The following SGCD variants were observed in gnomAD, a reference collection of about 807,000 sequenced individuals.
SGCD encodes sarcoglycan delta, also known as delta-sarcoglycan.
Under a neutral mutation model 36.6 loss-of-function variants are expected in SGCD, and 18 were observed. The observed-to-expected ratio is 0.49, with a 90% CI of 0.34 to 0.73. The LOEUF (loss-of-function observed/expected upper bound fraction) is 0.73. SGCD is among the 30% of genes least tolerant of loss of function. The pLI is 0.01. For synonymous variants in SGCD, 133 were observed against 130.6 expected (o/e 1.02, Z -0.12); for missense variants, 387 against 346.7 (o/e 1.12, Z -0.92).
chr5:156,613,311 TG>T (rs1288328310), intron 6 of SGCD, among the ~76,000 whole-genome samples: 1 of 152,236 alleles, frequency 6.6e-6, no homozygotes, highest in Non-Finnish European at 1.5e-5. Context: ...ACACAGCCCT[TG>T]TGTGTTCACA....
At chr5:155,934,873 G>T (rs1289527721) in intron 1 of SGCD, among the ~76,000 whole-genome samples, 1 of 152,206 alleles carries the variant, frequency 6.6e-6, no homozygotes, top group South Asian at 2.1e-4. Context: ...ACATGACGAA[G>T]TTGGGACATG....
intron 4 of SGCD, among the ~76,000 whole-genome samples, chr5:156,584,212 C>G (rs1394972923): frequency 6.6e-6 from 1 of 152,082 alleles, no homozygotes; most frequent in African/African-American, 2.4e-5. Flanking sequence ...TTGCAGAGGG[C>G]CAAATACACT....
intron 3 of SGCD, among the ~76,000 whole-genome samples, chr5:156,432,898 A>G (rs1233946181): frequency 6.6e-6 from 1 of 152,160 alleles, no homozygotes; most frequent in Non-Finnish European, 1.5e-5. Context: ...CCTTGCAGAG[A>G]TAACAAGCAG....
chr5:155,887,867 C>T (rs1339944133), intron 1 of SGCD, among the ~76,000 whole-genome samples: 2 of 152,184 alleles, frequency 1.3e-5, no homozygotes, highest in Admixed American at 6.5e-5. Flanking sequence ...TGAGCATTCA[C>T]TTTATGTTGA....
chr5:156,574,263 A>T (rs1487572194), intron 4 of SGCD, among the ~76,000 whole-genome samples: 1 of 152,190 alleles, frequency 6.6e-6, no homozygotes, highest in Non-Finnish European at 1.5e-5. Flanking sequence ...AACTGACCAT[A>T]TCCTAACATC....
intron 2 of SGCD, 38 bp downstream of exon 2, chr5:156,329,617 T>C: frequency 3.1e-6 from 5 of 1,595,794 alleles, no homozygotes; most frequent in Non-Finnish European, 4.3e-6. Flanking sequence ...TTCAAGGCCC[T>C]GCTCATGGTC....
intron 1 of SGCD, among the ~76,000 whole-genome samples, chr5:155,893,789 T>C (rs1478206603): frequency 6.6e-6 from 1 of 152,256 alleles, no homozygotes; most frequent in Non-Finnish European, 1.5e-5. Context: ...ATTTCGTTGT[T>C]GTGCTAACAT....
At chr5:156,103,207 T>C (rs1028461221) in intron 1 of SGCD, among the ~76,000 whole-genome samples, 2 of 152,062 alleles carry the variant, frequency 1.3e-5, no homozygotes, top group Non-Finnish European at 2.9e-5. Flanking sequence ...ATTAGAAGAG[T>C]TGGATGAAGA....
chr5:156,350,865 T>G (rs1265048194), intron 3 of SGCD, among the ~76,000 whole-genome samples: 1 of 152,206 alleles, frequency 6.6e-6, no homozygotes, highest in Non-Finnish European at 1.5e-5. Flanking sequence ...TTATTCCCAC[T>G]GAAAACCCAA....
intron 1 of SGCD, among the ~76,000 whole-genome samples, chr5:155,909,044 T>G (rs1756579604): frequency 6.6e-6 from 1 of 152,126 alleles, no homozygotes. Context: ...TTTCATGTTT[T>G]AAATCATTGA....
At chr5:156,377,937 G>T (rs1254683782) in intron 3 of SGCD, among the ~76,000 whole-genome samples, 1 of 152,122 alleles carries the variant, frequency 6.6e-6, no homozygotes, top group Non-Finnish European at 1.5e-5. Flanking sequence ...CAACAATCAT[G>T]CTTATTAACT....
chr5:155,857,221 C>T, the SGCD span, among the ~76,000 whole-genome samples: 2,567 of 152,162 alleles, frequency 0.017, 78 homozygotes, highest in African/African-American at 0.059. Flanking sequence ...TGGGCGACAG[C>T]GCAAGACTCC....
chr5:155,788,770 G>A, the SGCD span, among the ~76,000 whole-genome samples: 5 of 152,112 alleles, frequency 3.3e-5, no homozygotes. Context: ...TATTTGCAGA[G>A]GCAGATAGGT....
At chr5:156,442,436 A>G (rs1007633967) in intron 3 of SGCD, among the ~76,000 whole-genome samples, 3 of 152,224 alleles carry the variant, frequency 2.0e-5, no homozygotes, top group Non-Finnish European at 4.4e-5. Context: ...TCAACTGTAG[A>G]GTTAAAAAAT....
intron 7 of SGCD, among the ~76,000 whole-genome samples, chr5:156,745,988 A>G (rs1756921725): frequency 6.6e-6 from 1 of 151,946 alleles, no homozygotes; most frequent in South Asian, 2.1e-4. Flanking sequence ...ATTATCCTAA[A>G]GTGAAGAAAG....
the SGCD span, among the ~76,000 whole-genome samples, chr5:155,807,505 A>T: frequency 6.6e-6 from 1 of 152,266 alleles, no homozygotes; most frequent in African/African-American, 2.4e-5. Flanking sequence ...TTTAAAAATT[A>T]AAACAAACCC....
chr5:155,808,938 C>G, the SGCD span, among the ~76,000 whole-genome samples: 712 of 152,332 alleles, frequency 4.7e-3, 7 homozygotes, highest in African/African-American at 0.014. Flanking sequence ...ACCTATACTT[C>G]TAGGCTTCTT....
At chr5:155,884,178 A>C (rs906147689) in intron 1 of SGCD, among the ~76,000 whole-genome samples, 1 of 152,044 alleles carries the variant, frequency 6.6e-6, no homozygotes, top group African/African-American at 2.4e-5. Context: ...TCCTTTACCG[A>C]GGTGATTCAC....
intron 3 of SGCD, among the ~76,000 whole-genome samples, chr5:156,128,191 T>C (rs1762226434): frequency 6.6e-6 from 1 of 152,138 alleles, no homozygotes; most frequent in Non-Finnish European, 1.5e-5. Flanking sequence ...ATGAGATACT[T>C]CTACACGCTT....
Sources: gnomAD v4.1 joint callset for allele counts (sites outside exome capture counted in the v4.1 genomes callset) on GRCh38, gnomAD v4.1.1 for gene constraint, MANE v1.5 for transcripts, NCBI Gene and HGNC (gene_info 2026-07-23, HGNC 2026-07-21) for gene names.